Variants in MUSK observed in about 807,000 individuals in gnomAD.
The protein encoded by MUSK is muscle associated receptor tyrosine kinase.
Under a neutral mutation model 88.7 loss-of-function variants are expected in MUSK, and 55 were observed. The ratio of observed to expected loss-of-function variants is 0.62; its 90% CI spans 0.50 to 0.78. MUSK has a LOEUF of 0.78. MUSK is among the 30% of genes least tolerant of loss of function. The probability of loss-of-function intolerance (pLI) is 0.00; values close to 1 mark genes in which losing one functional copy is unlikely to be tolerated. For missense variants in MUSK, 1,015 were observed against 1,074.3 expected (o/e 0.94, Z 0.77); for synonymous variants, 387 against 391.9 (o/e 0.99, Z 0.15).
chr9:110,728,425 A>T, intron 5 of MUSK: 1 of 448,556 alleles, frequency 2.2e-6, no homozygotes, highest in East Asian at 4.2e-5. Flanking sequence ...ATTGTTAGGT[A>T]TGCTGTAGTT....
chr9:110,760,365 GAAT>G (rs1407350172), intron 7 of MUSK, among the ~76,000 whole-genome samples: 1 of 152,124 alleles, frequency 6.6e-6, no homozygotes, highest in Non-Finnish European at 1.5e-5. Flanking sequence ...ATACACCATG[GAAT>G]ACTACGTGGT....
intron 6 of MUSK, among the ~76,000 whole-genome samples, chr9:110,736,972 A>G (rs2131847076): frequency 6.6e-6 from 1 of 152,032 alleles, no homozygotes; most frequent in South Asian, 2.1e-4. Context: ...TTATATCTTA[A>G]TTTATTATAT....
chr9:110,713,354 G>A (rs1170711732), intron 5 of MUSK, among the ~76,000 whole-genome samples: 1 of 150,692 alleles, frequency 6.6e-6, no homozygotes, highest in Non-Finnish European at 1.5e-5. Flanking sequence ...CCGCCTCCCA[G>A]GTTCAAGCGA....
chr9:110,739,691 C>A (rs2077073349), intron 6 of MUSK, among the ~76,000 whole-genome samples: 1 of 152,064 alleles, frequency 6.6e-6, no homozygotes, highest in Admixed American at 6.6e-5. Flanking sequence ...ATTGAGTTAG[C>A]CCTTCAACTT....
At chr9:110,696,097 C>T (rs940667102) in intron 4 of MUSK, among the ~76,000 whole-genome samples, 10 of 151,866 alleles carry the variant, frequency 6.6e-5, no homozygotes, top group Admixed American at 4.6e-4. Flanking sequence ...GCCAACATGG[C>T]GAAATCCTGT....
chr9:110,765,091 G>C (rs1157802760), intron 8 of MUSK, among the ~76,000 whole-genome samples: 1 of 151,876 alleles, frequency 6.6e-6, no homozygotes, highest in African/African-American at 2.4e-5. Context: ...TTTTAAAAAA[G>C]TGTGTTTTGA....
intron 5 of MUSK, among the ~76,000 whole-genome samples, chr9:110,702,687 A>G (rs953167857): frequency 2.6e-5 from 4 of 151,928 alleles, no homozygotes; most frequent in Admixed American, 2.6e-4. Flanking sequence ...TGGCTTGAGC[A>G]CTGGAGACCA....
intron 1 of MUSK, among the ~76,000 whole-genome samples, chr9:110,671,988 G>A (rs181479527): frequency 3.9e-5 from 6 of 152,278 alleles, no homozygotes; most frequent in Non-Finnish European, 8.8e-5. Flanking sequence ...TAAATTGTAT[G>A]TATATAAGGA....
intron 1 of MUSK, among the ~76,000 whole-genome samples, chr9:110,674,655 C>G (rs2076002191): frequency 6.6e-6 from 1 of 152,132 alleles, no homozygotes. Context: ...GTCACACAGG[C>G]TGGAGTACAG....
intron 5 of MUSK, among the ~76,000 whole-genome samples, chr9:110,720,549 T>C (rs1332003960): frequency 1.3e-5 from 2 of 152,002 alleles, no homozygotes; most frequent in African/African-American, 4.8e-5. Flanking sequence ...CAGGAAGATG[T>C]AGAAACTCTG....
chr9:110,704,091 A>T (rs1405606418), intron 5 of MUSK, among the ~76,000 whole-genome samples: 1 of 152,234 alleles, frequency 6.6e-6, no homozygotes, highest in Non-Finnish European at 1.5e-5. Flanking sequence ...ATGAAGGTTT[A>T]TGAAAAATAA....
At chr9:110,728,711 A>G in intron 5 of MUSK, 1 of 1,576,836 alleles carries the variant, frequency 6.3e-7, no homozygotes, top group Non-Finnish European at 8.5e-7. Context: ...CGAACAAGAT[A>G]CTAAAGGTAT....
At chr9:110,702,265 A>G (rs2076538769) in intron 5 of MUSK, among the ~76,000 whole-genome samples, 1 of 152,008 alleles carries the variant, frequency 6.6e-6, no homozygotes, top group South Asian at 2.1e-4. Flanking sequence ...CTGGTTTCTT[A>G]TTGTTCTAAA....
intron 8 of MUSK, 25 bp downstream of exon 8, chr9:110,762,233 T>C (rs774762206): frequency 1.7e-6 from 2 of 1,192,538 alleles, no homozygotes; most frequent in East Asian, 2.5e-5. Flanking sequence ...TTGTAACAAT[T>C]GTTTCCAATG....
intron 5 of MUSK, among the ~76,000 whole-genome samples, chr9:110,725,302 C>T (rs1367792899): frequency 6.6e-6 from 1 of 151,894 alleles, no homozygotes; most frequent in Non-Finnish European, 1.5e-5. Flanking sequence ...ATATTACGTA[C>T]AGTTTCATTC....
chr9:110,728,110 A>G (rs2076911430), intron 5 of MUSK, among the ~76,000 whole-genome samples: 1 of 152,104 alleles, frequency 6.6e-6, no homozygotes, highest in Non-Finnish European at 1.5e-5. Flanking sequence ...CCAGAAGGTA[A>G]TGATTTGCTC....
chr9:110,670,442 G>A (rs1412733064), intron 1 of MUSK, among the ~76,000 whole-genome samples: 1 of 152,096 alleles, frequency 6.6e-6, no homozygotes. Flanking sequence ...TAAAGAGCAG[G>A]ACAATTGATT....
chr9:110,693,652 A>G (rs140450292), intron 3 of MUSK, among the ~76,000 whole-genome samples: 1 of 152,308 alleles, frequency 6.6e-6, no homozygotes, highest in East Asian at 1.9e-4. Context: ...TTGACTTTAC[A>G]TTCAATTTCC....
At chr9:110,719,476 A>T (rs1225489441) in intron 5 of MUSK, among the ~76,000 whole-genome samples, 1 of 152,126 alleles carries the variant, frequency 6.6e-6, no homozygotes, top group South Asian at 2.1e-4. Context: ...GAGCAATAGC[A>T]GTTAAGAAAG....
Sources: gnomAD v4.1 joint callset for allele counts (sites outside exome capture counted in the v4.1 genomes callset) on GRCh38, gnomAD v4.1.1 for gene constraint, MANE v1.5 for transcripts, NCBI Gene and HGNC (gene_info 2026-07-23, HGNC 2026-07-21) for gene names.